The following CSMD1 variants were observed in gnomAD, a reference collection of about 807,000 sequenced individuals.
CSMD1 encodes the protein CUB and sushi domain-containing protein 1.
In CSMD1, 213 loss-of-function variants were observed where a neutral mutation model predicts 417.5. The observed-to-expected ratio is 0.51, with a 90% CI of 0.46 to 0.57. CSMD1 has a LOEUF of 0.57. CSMD1 is among the 20% of genes least tolerant of loss of function. The pLI is 0.00. For missense variants in CSMD1, 6,923 were observed against 4,529.7 expected, an observed-to-expected ratio of 1.53 and a Z score of -15.17; for synonymous variants, 2,862 against 1,736.8, an observed-to-expected ratio of 1.65 and a Z score of -16.11.
chr8:4,094,006 ATAG>A (rs1203163082), intron 3 of CSMD1, among the ~76,000 whole-genome samples: 1 of 152,076 alleles, frequency 6.6e-6, no homozygotes, highest in Non-Finnish European at 1.5e-5. Flanking sequence ...AGATAGATAG[ATAG>A]ATAAAGAAAA....
chr8:4,698,721 C>A (rs532670832), intron 1 of CSMD1, among the ~76,000 whole-genome samples: 2 of 149,406 alleles, frequency 1.3e-5, no homozygotes, highest in East Asian at 4.0e-4. Context: ...CTTCCACCTT[C>A]TCCCTTCCTT....
intron 6 of CSMD1, among the ~76,000 whole-genome samples, chr8:3,751,805 T>G (rs1018566574): frequency 1.3e-5 from 2 of 152,154 alleles, no homozygotes; most frequent in African/African-American, 2.4e-5. Flanking sequence ...CTGATCAGGT[T>G]TGAGAAACAA....
intron 7 of CSMD1, among the ~76,000 whole-genome samples, chr8:3,665,888 G>GT (rs1389045003): frequency 2.6e-5 from 4 of 151,974 alleles, no homozygotes; most frequent in Admixed American, 6.6e-5. Context: ...TTGTTGTTTT[G>GT]TTTTTTTGAG....
At chr8:4,016,112 A>T (rs1796510936) in intron 4 of CSMD1, among the ~76,000 whole-genome samples, 1 of 152,170 alleles carries the variant, frequency 6.6e-6, no homozygotes, top group South Asian at 2.1e-4. Flanking sequence ...TTGGGATGGG[A>T]TCATATAAAA....
At chr8:3,351,130 T>G (rs1339892961) in intron 21 of CSMD1, among the ~76,000 whole-genome samples, 2 of 152,230 alleles carry the variant, frequency 1.3e-5, no homozygotes, top group Non-Finnish European at 2.9e-5. Context: ...CAATTAAGAT[T>G]TCTCAGTGAA....
intron 1 of CSMD1, among the ~76,000 whole-genome samples, chr8:4,813,936 A>G (rs937046233): frequency 9.2e-5 from 14 of 152,210 alleles, no homozygotes; most frequent in Non-Finnish European, 1.9e-4. Flanking sequence ...TTGTAATTAT[A>G]CATTTTTGAT....
At chr8:4,746,093 T>G (rs1324476731) in intron 1 of CSMD1, among the ~76,000 whole-genome samples, 1 of 152,222 alleles carries the variant, frequency 6.6e-6, no homozygotes, top group Non-Finnish European at 1.5e-5. Flanking sequence ...AGAAACCCCG[T>G]GACTTCACTT....
intron 5 of CSMD1, among the ~76,000 whole-genome samples, chr8:3,979,250 C>A (rs925881033): frequency 6.6e-6 from 1 of 152,170 alleles, no homozygotes; most frequent in Non-Finnish European, 1.5e-5. Context: ...TTTAGGGCAT[C>A]TTTTTGTTTT....
At chr8:4,755,643 C>G (rs1811620662) in intron 1 of CSMD1, among the ~76,000 whole-genome samples, 1 of 152,144 alleles carries the variant, frequency 6.6e-6, no homozygotes, top group Admixed American at 6.5e-5. Context: ...CAGAATCTGC[C>G]AAACACATCT....
At chr8:3,895,569 T>C (rs1380717717) in intron 5 of CSMD1, among the ~76,000 whole-genome samples, 1 of 152,182 alleles carries the variant, frequency 6.6e-6, no homozygotes, top group Non-Finnish European at 1.5e-5. Context: ...GAAATAAGCA[T>C]ATATGGATTT....
rs185339567 is a variant in CSMD1, at chr8:3,841,361, T to G, written c.819-87319A>C. 2.0e-5 allele frequency among the ~76,000 whole-genome samples: 3 copies of G among 152,274 alleles called. No individual in the cohort carries two copies. In the East Asian group the frequency reaches 5.8e-4, roughly 29 times the overall value. On this transcript the variant is annotated intron_variant, in intron 5 of 69. Transcript: ENST00000635120. ...ATTTTTGGACTTCTTTAACCATGCT[T>G]TCGTTATGTGGTTCTCAACCTCAAG...
intron 10 of CSMD1, among the ~76,000 whole-genome samples, chr8:3,495,283 A>C (rs533543182): frequency 1.3e-5 from 2 of 152,312 alleles, no homozygotes; most frequent in South Asian, 4.1e-4. Flanking sequence ...AAGAATCATC[A>C]CTGAGACCTG....
chr8:3,677,668 T>A (rs910312225), intron 7 of CSMD1, among the ~76,000 whole-genome samples: 1 of 152,168 alleles, frequency 6.6e-6, no homozygotes, highest in Admixed American at 6.5e-5. Context: ...TATCTATCCT[T>A]TAGGGCTCTT....
intron 10 of CSMD1, among the ~76,000 whole-genome samples, chr8:3,546,326 G>C (rs1322527841): frequency 1.3e-5 from 2 of 152,034 alleles, no homozygotes; most frequent in Admixed American, 6.6e-5. Flanking sequence ...ATGAGGTCAG[G>C]AGATCGAGAC....
chr8:3,401,837 A>G (rs920467314), intron 15 of CSMD1, among the ~76,000 whole-genome samples: 2 of 152,182 alleles, frequency 1.3e-5, no homozygotes, highest in Non-Finnish European at 2.9e-5. Flanking sequence ...ATTCCACCTG[A>G]TGGAGACCAA....
intron 3 of CSMD1, among the ~76,000 whole-genome samples, chr8:4,324,945 A>G (rs1344769030): frequency 6.6e-6 from 1 of 152,080 alleles, no homozygotes; most frequent in East Asian, 1.9e-4. Context: ...GAAGGAGGCA[A>G]TTGTATTTGG....
Position 3,408,040 on chromosome 8 carries a change from C to G in CSMD1, c.1930G>C (p.Gly644Arg). 6.2e-7 allele frequency: 1 copy of G among 1,613,886 alleles called. No individual in the cohort carries two copies. Among genetic ancestry groups the G allele is most frequent in the Non-Finnish European group, 8.5e-7 (1 of 1,179,884 alleles). Residue 644 changes from glycine (G) to arginine (R), a missense_variant, in exon 14 of 70, where the codon GGC becomes CGC. Coordinates refer to ENST00000635120, the MANE Select transcript of CSMD1 (RefSeq NM_033225.6). Reference sequence around the variant, plus strand: ...CCCAGGACAGTTATGTCAGAAATGCCATCATCCTTGACCGCGAGAAAGTCA... The same window carrying G: ...CCCAGGACAGTTATGTCAGAAATGCGATCATCCTTGACCGCGAGAAAGTCA... Reference protein sequence around the residue: ...QFDFLAVKDDGISDITVLGTF... With the variant: ...QFDFLAVKDDRISDITVLGTF...
intron 5 of CSMD1, among the ~76,000 whole-genome samples, chr8:3,978,820 C>A (rs917283316): frequency 6.6e-6 from 1 of 152,074 alleles, no homozygotes; most frequent in Non-Finnish European, 1.5e-5. Context: ...CGGTGATTTA[C>A]TGAGGTCTCG....
chr8:4,432,296 G>A (rs559817610), intron 2 of CSMD1, among the ~76,000 whole-genome samples: 1 of 152,266 alleles, frequency 6.6e-6, no homozygotes, highest in Admixed American at 6.5e-5. Flanking sequence ...TATGAGGCAA[G>A]AGCCCAGAGA....
Sources: allele counts gnomAD v4.1 joint callset (sites outside exome capture counted in the v4.1 genomes callset), GRCh38; gene constraint gnomAD v4.1.1; transcripts MANE v1.5; gene names NCBI Gene and HGNC (gene_info 2026-07-23, HGNC 2026-07-21).